The following PCDH15 variants were observed in gnomAD, a reference collection of about 807,000 sequenced individuals.
The protein encoded by PCDH15 is protocadherin related 15, also known as protocadherin-15.
PCDH15 carries 129 observed loss-of-function variants against 178.5 expected under a neutral mutation model. The observed-to-expected ratio is 0.72, with a 90% CI of 0.63 to 0.84. PCDH15 has a LOEUF of 0.84. Ranked by LOEUF, PCDH15 falls within the 40% of genes least tolerant of loss-of-function variation. PCDH15 has a pLI of 0.00. For missense variants in PCDH15, 2,230 were observed against 2,099.9 expected (o/e 1.06, Z -1.21); for synonymous variants, 800 against 732.0 (o/e 1.09, Z -1.50).
chr10:55,098,390 G>T (rs1485673903), intron 2 of PCDH15, among the ~76,000 whole-genome samples: 1 of 152,050 alleles, frequency 6.6e-6, no homozygotes, highest in South Asian at 2.1e-4. Flanking sequence ...CCTTGGTAAG[G>T]TTTTCCTTTT....
intron 3 of PCDH15, among the ~76,000 whole-genome samples, chr10:54,840,128 T>C (rs1953392776): frequency 6.6e-6 from 1 of 152,066 alleles, no homozygotes; most frequent in African/African-American, 2.4e-5. Flanking sequence ...AACTCACTGG[T>C]ATAGTTAAAT....
chr10:54,612,674 T>C (rs2093002078), intron 2 of PCDH15, among the ~76,000 whole-genome samples: 1 of 151,838 alleles, frequency 6.6e-6, no homozygotes, highest in Non-Finnish European at 1.5e-5. Flanking sequence ...CTTACTTATA[T>C]AAGAAAAATA....
At chr10:54,362,649 C>T (rs981010058) in intron 5 of PCDH15, among the ~76,000 whole-genome samples, 4 of 151,868 alleles carry the variant, frequency 2.6e-5, no homozygotes, top group African/African-American at 4.8e-5. Context: ...CTTATAGAGC[C>T]GTGCGTCTAG....
intron 1 of PCDH15, among the ~76,000 whole-genome samples, chr10:54,742,901 G>A (rs996057150): frequency 1.3e-5 from 2 of 152,044 alleles, no homozygotes; most frequent in East Asian, 3.9e-4. Flanking sequence ...TGCATACTGA[G>A]TTTCAAATGA....
chr10:54,442,414 CTATATATATATATATATATATATATA>C (rs71007859), intron 3 of PCDH15, among the ~76,000 whole-genome samples: 7 of 19,164 alleles, frequency 3.7e-4, no homozygotes, highest in African/African-American at 1.2e-3. Flanking sequence ...GCCTTAAAGG[CTATATATATATATATATATATATATA>C]TATATATATA....
chr10:55,195,858 A>G (rs1840081035), intron 1 of PCDH15, among the ~76,000 whole-genome samples: 2 of 152,002 alleles, frequency 1.3e-5, no homozygotes, highest in Non-Finnish European at 2.9e-5. Flanking sequence ...TTGAAATCCC[A>G]CTGTTTATCT....
At chr10:54,953,438 C>A (rs1838396568) in intron 2 of PCDH15, among the ~76,000 whole-genome samples, 1 of 151,316 alleles carries the variant, frequency 6.6e-6, no homozygotes, top group Non-Finnish European at 1.5e-5. Flanking sequence ...GTTGAGAGTA[C>A]AAGTTTCTGA....
At chr10:53,832,763 C>T (rs914626949) in intron 29 of PCDH15, among the ~76,000 whole-genome samples, 16 of 151,786 alleles carry the variant, frequency 1.1e-4, no homozygotes, top group Non-Finnish European at 2.2e-4. Flanking sequence ...ATTTTATGCC[C>T]TTTTGAGACA....
At chr10:55,048,653 TA>T (rs1841075970) in intron 2 of PCDH15, among the ~76,000 whole-genome samples, 1 of 151,978 alleles carries the variant, frequency 6.6e-6, no homozygotes, top group Non-Finnish European at 1.5e-5. Flanking sequence ...ACACATATTC[TA>T]AGCCATTTTT....
At chr10:54,465,146 T>G (rs967416141) in intron 3 of PCDH15, among the ~76,000 whole-genome samples, 1 of 152,128 alleles carries the variant, frequency 6.6e-6, no homozygotes, top group Non-Finnish European at 1.5e-5. Context: ...ACATAGCATT[T>G]GTATATATTT....
chr10:55,174,609 G>T lies in PCDH15; in HGVS notation c.-155-7958C>A, dbSNP rs527444312. Among the ~76,000 whole-genome samples, 12 of 152,274 alleles carry T rather than the reference G, an allele frequency of 7.9e-5. No individual in the cohort carries two copies. In the East Asian group the frequency reaches 2.1e-3, roughly 27 times the overall value. On this transcript the variant is annotated intron_variant, in intron 1 of 5. Transcript: ENST00000458638. ...GTAGAATTGATCTAGCCCTCCTAGTGGTCATCTCAGGAGAGGCTGCAAACG... is the reference window on the plus strand; with the variant it reads ...GTAGAATTGATCTAGCCCTCCTAGTTGTCATCTCAGGAGAGGCTGCAAACG...
At chr10:53,917,013 A>G (rs1434675596) in intron 25 of PCDH15, among the ~76,000 whole-genome samples, 1 of 152,146 alleles carries the variant, frequency 6.6e-6, no homozygotes, top group Non-Finnish European at 1.5e-5. Context: ...TGGTTTTTAT[A>G]TGAGATATAT....
chr10:55,486,490 G>C (rs1053309335), intron 2 of PCDH15, among the ~76,000 whole-genome samples: 1 of 151,460 alleles, frequency 6.6e-6, no homozygotes, highest in Non-Finnish European at 1.5e-5. Context: ...ACTAAAATAT[G>C]TAGGTTAGTT....
At chr10:54,822,905 G>T (rs1390603359) in intron 3 of PCDH15, among the ~76,000 whole-genome samples, 1 of 151,612 alleles carries the variant, frequency 6.6e-6, no homozygotes, top group African/African-American at 2.4e-5. Flanking sequence ...TTTTTTAGAT[G>T]GATTCTTGCT....
chr10:53,845,169 A>C (rs762896733), intron 28 of PCDH15, among the ~76,000 whole-genome samples: 3 of 151,946 alleles, frequency 2.0e-5, no homozygotes, highest in Non-Finnish European at 2.9e-5. Flanking sequence ...TCACAATGAA[A>C]TATTATCTCA....
chr10:54,888,481 T>C (rs533415656), intron 3 of PCDH15, among the ~76,000 whole-genome samples: 75 of 152,172 alleles, frequency 4.9e-4, no homozygotes, highest in Non-Finnish European at 9.1e-4. Context: ...TTTGGTGCTA[T>C]TACAAATCAA....
intron 3 of PCDH15, among the ~76,000 whole-genome samples, chr10:54,482,611 TA>T (rs1261320163): frequency 6.6e-6 from 1 of 151,750 alleles, no homozygotes; most frequent in Non-Finnish European, 1.5e-5. Flanking sequence ...AGGTACCAGG[TA>T]CCTTAGCAGG....
chr10:54,936,993 TATC>T, intron 2 of PCDH15, among the ~76,000 whole-genome samples: 1 of 152,118 alleles, frequency 6.6e-6, no homozygotes, highest in Non-Finnish European at 1.5e-5. Context: ...CGTTGAGGTC[TATC>T]ATCTATCTGG....
chr10:55,279,815 C>T (rs1842682235), intron 1 of PCDH15, among the ~76,000 whole-genome samples: 2 of 152,132 alleles, frequency 1.3e-5, no homozygotes, highest in African/African-American at 4.8e-5. Flanking sequence ...GTCCTCATGG[C>T]TATTTAGGCT....
Sources: allele counts gnomAD v4.1 joint callset (sites outside exome capture counted in the v4.1 genomes callset), GRCh38; gene constraint gnomAD v4.1.1; transcripts MANE v1.5; gene names NCBI Gene and HGNC (gene_info 2026-07-23, HGNC 2026-07-21).